THADA: variants seen among roughly 807,000 people sequenced by gnomAD.
THADA encodes tRNA (32-2'-O)-methyltransferase regulator THADA.
In THADA, 213 loss-of-function variants were observed where a neutral mutation model predicts 219.8. The observed-to-expected ratio is 0.97, with a 90% CI of 0.87 to 1.09. THADA has a LOEUF of 1.09. THADA is among the 50% of genes least tolerant of loss of function. THADA has a pLI of 0.00. For missense variants in THADA, 2,956 were observed against 2,311.3 expected (o/e 1.28, Z -5.72); for synonymous variants, 1,018 against 828.9 (o/e 1.23, Z -3.92).
intron 36 of THADA, among the ~76,000 whole-genome samples, chr2:43,261,275 G>A (rs1248585769): frequency 1.4e-5 from 2 of 140,108 alleles, no homozygotes; most frequent in Non-Finnish European, 3.0e-5. Flanking sequence ...CCAGGCTGGA[G>A]TGCAGTGGTC....
intron 19 of THADA, among the ~76,000 whole-genome samples, chr2:43,551,454 G>A (rs1035007908): frequency 1.3e-5 from 2 of 151,964 alleles, no homozygotes; most frequent in African/African-American, 4.8e-5. Flanking sequence ...GCATCCCATT[G>A]GTGTTCAAAA....
chr2:43,329,379 G>A (rs1679700688), intron 30 of THADA, among the ~76,000 whole-genome samples: 1 of 152,160 alleles, frequency 6.6e-6, no homozygotes, highest in South Asian at 2.1e-4. Flanking sequence ...TCTTCTGGAT[G>A]CTGCCTGAGC....
At chr2:43,575,132 A>T in intron 10 of THADA, 105 bp from the exon 11 acceptor site, 1 of 858,300 alleles carries the variant, frequency 1.2e-6, no homozygotes, top group East Asian at 2.8e-5. Context: ...CAGAATGACC[A>T]CAAATTTCAA....
chr2:43,388,929 T>C (rs936184783), intron 29 of THADA, among the ~76,000 whole-genome samples: 1 of 152,204 alleles, frequency 6.6e-6, no homozygotes, highest in Non-Finnish European at 1.5e-5. Flanking sequence ...ACATTTTTAA[T>C]CATAACCCCC....
intron 34 of THADA, 64 bp from the exon 35 acceptor site, chr2:43,287,125 G>A: frequency 1.3e-6 from 2 of 1,496,918 alleles, no homozygotes; most frequent in Non-Finnish European, 1.8e-6. Context: ...CACAGAATTA[G>A]GGGTGACCTA....
chr2:43,331,346 C>T (rs978221037), intron 30 of THADA, among the ~76,000 whole-genome samples: 1 of 152,216 alleles, frequency 6.6e-6, no homozygotes, highest in Non-Finnish European at 1.5e-5. Context: ...ACAAGGACTG[C>T]TAATAGAGAG....
At chr2:43,358,282 A>G (rs917843184) in intron 29 of THADA, among the ~76,000 whole-genome samples, 1 of 152,054 alleles carries the variant, frequency 6.6e-6, no homozygotes, top group Non-Finnish European at 1.5e-5. Context: ...ACTTATTGTG[A>G]AAATTCACAT....
In THADA at chr2:43,541,149, T is replaced by C. The variant is rs1207071782; in HGVS notation, c.3264+10A>G. ...GAAATTATACATGGTGGAATAAACATGTGCCTTACCTGCTCCACCGTCAAT... is the reference window on the plus strand; with the variant it reads ...GAAATTATACATGGTGGAATAAACACGTGCCTTACCTGCTCCACCGTCAAT... On this transcript the variant is annotated intron_variant, in intron 21 of 37. Coordinates refer to ENST00000405975, the MANE Select transcript of THADA (RefSeq NM_022065.5). 6.5e-7 allele frequency: 1 copy of C among 1,528,622 alleles called. No homozygotes were observed. The highest frequency in any genetic ancestry group is 2.4e-5 in the East Asian group (1 of 41,156). 94.7% of individuals were successfully genotyped at this position (1,528,622 alleles called of 1,614,324 possible).
chr2:43,322,851 A>G (rs1295308164), intron 30 of THADA, among the ~76,000 whole-genome samples: 1 of 151,434 alleles, frequency 6.6e-6, no homozygotes, highest in East Asian at 2.0e-4. Context: ...ACGCCCGGCT[A>G]ATTTTTTGTA....
intron 26 of THADA, among the ~76,000 whole-genome samples, chr2:43,444,753 A>C (rs1681297692): frequency 6.6e-6 from 1 of 151,994 alleles, no homozygotes; most frequent in Non-Finnish European, 1.5e-5. Flanking sequence ...ATCCACACAC[A>C]CCCATTTCTT....
chr2:43,323,210 T>C (rs1312883574), intron 30 of THADA, among the ~76,000 whole-genome samples: 1 of 152,142 alleles, frequency 6.6e-6, no homozygotes, highest in Non-Finnish European at 1.5e-5. Flanking sequence ...GGCATGATCA[T>C]GGCTCACTGT....
chr2:43,499,022 C>T (rs1645410594), intron 24 of THADA, 67 bp from the exon 25 acceptor site: 2 of 1,468,624 alleles, frequency 1.4e-6, no homozygotes, highest in African/African-American at 1.4e-5. Flanking sequence ...CTACACATAT[C>T]CAATAGTACA....
chr2:43,270,916 T>C (rs1266711945), intron 36 of THADA, among the ~76,000 whole-genome samples: 1 of 152,048 alleles, frequency 6.6e-6, no homozygotes, highest in Non-Finnish European at 1.5e-5. Context: ...CACAGTGTTG[T>C]GAGGATCAAA....
intron 14 of THADA, among the ~76,000 whole-genome samples, chr2:43,569,052 GCC>G (rs1699005190): frequency 1.3e-5 from 2 of 152,058 alleles, no homozygotes; most frequent in African/African-American, 2.4e-5. Flanking sequence ...GCTCACCACA[GCC>G]CTCACCTCCC....
chr2:43,300,421 G>A (rs956967369), intron 31 of THADA, among the ~76,000 whole-genome samples: 2 of 152,174 alleles, frequency 1.3e-5, no homozygotes, highest in Non-Finnish European at 1.5e-5. Context: ...TGAGGAAACA[G>A]AGAGGTGAAG....
chr2:43,397,982 T>G lies in THADA; in HGVS notation c.4216A>C (p.Thr1406Pro). The G allele has an allele frequency of 6.2e-7, 1 of 1,613,884 alleles. No homozygotes were observed. The highest frequency in any genetic ancestry group is 8.5e-7 in the Non-Finnish European group (1 of 1,179,790). Residue 1406 changes from threonine (T) to proline (P), a missense_variant, in exon 29 of 38, where the codon ACA becomes CCA. Thr to Pro is a conservative substitution (Grantham distance 38). Transcript: ENST00000405975. ...QCFRQNHIHG[T>P]LLQVFHLLQA... ...GCAACTTTACTTACCTGGAGAAGTG[T>G]CCCATGAATGTGGTTTTGCCGGAAA...
In THADA at chr2:43,281,042, T is replaced by C. The variant is rs181659942; in HGVS notation, c.5165-1146A>G. ...GCCTGGGCTTGTGGAGGGTTATCAC[T>C]GGAGGGCCATGGAAGACCACCACGC... On this transcript the variant is annotated intron_variant, in intron 35 of 37. Coordinates refer to ENST00000405975, the MANE Select transcript of THADA (RefSeq NM_022065.5). 2.7e-3 allele frequency among the ~76,000 whole-genome samples: 409 copies of C among 152,278 alleles called. 6 individuals are homozygous for C. Among genetic ancestry groups the C allele is most frequent in the Middle Eastern group, 6.8e-3 (2 of 294 alleles).
intron 22 of THADA, among the ~76,000 whole-genome samples, chr2:43,523,674 T>C (rs934237364): frequency 2.0e-5 from 3 of 152,172 alleles, no homozygotes; most frequent in African/African-American, 4.8e-5. Context: ...TGTCTATGAG[T>C]CAGTACTAGT....
At chr2:43,388,548 C>T (rs1035093832) in intron 29 of THADA, among the ~76,000 whole-genome samples, 7 of 152,174 alleles carry the variant, frequency 4.6e-5, no homozygotes, top group Non-Finnish European at 8.8e-5. Context: ...GTGTGAGACA[C>T]TGATTCCTCA....
Sources: gnomAD v4.1 joint callset for allele counts (sites outside exome capture counted in the v4.1 genomes callset) on GRCh38, gnomAD v4.1.1 for gene constraint, MANE v1.5 for transcripts, NCBI Gene and HGNC (gene_info 2026-07-23, HGNC 2026-07-21) for gene names.